Variants in PLS1 observed in about 807,000 individuals in gnomAD.
PLS1 encodes plastin-1.
A neutral mutation model predicts 73.7 loss-of-function variants in PLS1; 32 were observed. The observed-to-expected ratio is 0.43, with a 90% CI of 0.33 to 0.58. PLS1 has a LOEUF of 0.58. Ranked by LOEUF, PLS1 falls within the 20% of genes least tolerant of loss-of-function variation. PLS1 has a pLI of 0.04. For missense variants in PLS1, 633 were observed against 740.5 expected (o/e 0.85, Z 1.68); for synonymous variants, 217 against 261.3 (o/e 0.83, Z 1.63).
chr3:142,638,684 A>T (rs1219112107), intron 1 of PLS1, among the ~76,000 whole-genome samples: 1 of 152,152 alleles, frequency 6.6e-6, no homozygotes, highest in African/African-American at 2.4e-5. Flanking sequence ...AGGCCTCAAA[A>T]TTTAGGTGTG....
chr3:142,600,449 A>C (rs2035893934), intron 1 of PLS1, among the ~76,000 whole-genome samples: 1 of 152,130 alleles, frequency 6.6e-6, no homozygotes, highest in Non-Finnish European at 1.5e-5. Context: ...GGAGGGTGGC[A>C]CCAAAGGGTG....
chr3:142,704,381 T>C (rs2038404145), intron 13 of PLS1, 82 bp from the exon 14 acceptor site: 1 of 1,051,454 alleles, frequency 9.5e-7, no homozygotes, highest in Non-Finnish European at 1.4e-6. Context: ...ATTTCTTAAG[T>C]ATTTATCTAA....
chr3:142,621,960 T>C (rs2036323436), intron 1 of PLS1, among the ~76,000 whole-genome samples: 1 of 152,208 alleles, frequency 6.6e-6, no homozygotes, highest in African/African-American at 2.4e-5. Context: ...CGCATCCAAC[T>C]TTCTATGTAG....
At chr3:142,670,573 A>G (rs1399113856) in intron 3 of PLS1, among the ~76,000 whole-genome samples, 1 of 152,244 alleles carries the variant, frequency 6.6e-6, no homozygotes, top group Non-Finnish European at 1.5e-5. Flanking sequence ...GTGATTGGGA[A>G]AGGGAGTTTC....
intron 1 of PLS1, among the ~76,000 whole-genome samples, chr3:142,621,708 T>C (rs1401538324): frequency 6.6e-6 from 1 of 152,228 alleles, no homozygotes; most frequent in African/African-American, 2.4e-5. Context: ...CAAATACTTT[T>C]AATGCTGCAT....
At chr3:142,596,599 C>G (rs967632863) in intron 1 of PLS1, 90 bp downstream of exon 1, 1 of 152,476 alleles carries the variant, frequency 6.6e-6, no homozygotes. Flanking sequence ...CGCGGCGGCT[C>G]GGGGGCAGTA....
chr3:142,677,534 C>A lies in PLS1; in HGVS notation c.498-498C>A, dbSNP rs568142079. Among the ~76,000 whole-genome samples the A allele has an allele frequency of 3.3e-5, 5 of 151,950 alleles. No individual in the cohort carries two copies. The East Asian group carries it at 7.7e-4, about 24-fold the overall frequency. On this transcript the variant is annotated intron_variant, in intron 5 of 15. Coordinates refer to ENST00000457734, the MANE Select transcript of PLS1 (RefSeq NM_001145319.2). ...TGGCACACACCTGTAATCCCAGCTA[C>A]TCGGGAGGCTGAGGCAGGAGTATCA...
chr3:142,658,906 C>T (rs139616968), intron 1 of PLS1, among the ~76,000 whole-genome samples: 1 of 152,244 alleles, frequency 6.6e-6, no homozygotes, highest in Non-Finnish European at 1.5e-5. Flanking sequence ...AGTAGGAATG[C>T]TAATTGAACT....
At chr3:142,637,824 T>C (rs1327196028) in intron 1 of PLS1, among the ~76,000 whole-genome samples, 1 of 152,186 alleles carries the variant, frequency 6.6e-6, no homozygotes. Context: ...TAATACTTTT[T>C]ATCTGTAGAT....
intron 1 of PLS1, among the ~76,000 whole-genome samples, chr3:142,621,500 A>C (rs2036313082): frequency 6.6e-6 from 1 of 152,236 alleles, no homozygotes; most frequent in Non-Finnish European, 1.5e-5. Flanking sequence ...ACTATTATGA[A>C]GCATGAAAGG....
In PLS1 at chr3:142,698,080, A is replaced by G. The variant is rs754626707; in HGVS notation, c.1371+13A>G. The G allele has an allele frequency of 6.1e-6, 8 of 1,303,096 alleles. No individual in the cohort carries two copies. Among genetic ancestry groups the G allele is most frequent in the Non-Finnish European group, 8.9e-6 (8 of 896,588 alleles). 80.7% of individuals were successfully genotyped at this position (1,303,096 alleles called of 1,614,324 possible). A position where few individuals can be genotyped will look rare whatever the true frequency, so the allele number is the denominator to read the frequency against. ...GAACATGAAGAAGGTGAATGAAATAATGGCCATGGATATATTGTTATTGTT... is the reference window on the plus strand; with the variant it reads ...GAACATGAAGAAGGTGAATGAAATAGTGGCCATGGATATATTGTTATTGTT... On this transcript the variant is annotated intron_variant, in intron 12 of 15. Transcript: ENST00000457734.
intron 5 of PLS1, among the ~76,000 whole-genome samples, chr3:142,676,532 AG>A (rs1179266781): frequency 1.3e-5 from 2 of 152,188 alleles, no homozygotes; most frequent in African/African-American, 4.8e-5. Flanking sequence ...AATAATTGCC[AG>A]GAATCTTTTG....
intron 1 of PLS1, among the ~76,000 whole-genome samples, chr3:142,641,030 T>G (rs1292014717): frequency 1.3e-5 from 2 of 151,660 alleles, no homozygotes; most frequent in Non-Finnish European, 2.9e-5. Context: ...GGTATGGTAG[T>G]GCATGCCTGT....
chr3:142,615,019 ATCTGGGT>A (rs2036189947), intron 1 of PLS1, among the ~76,000 whole-genome samples: 1 of 152,006 alleles, frequency 6.6e-6, no homozygotes, highest in Admixed American at 6.6e-5. Context: ...CATCTGCAGG[ATCTGGGT>A]AGGGTGGGCA....
At chr3:142,693,828 C>T (rs552216064) in intron 10 of PLS1, among the ~76,000 whole-genome samples, 52 of 151,468 alleles carry the variant, frequency 3.4e-4, no homozygotes, top group African/African-American at 1.3e-3. Context: ...TGAAATCTGT[C>T]TTTCTCTTAT....
chr3:142,669,055 C>T (rs1033148214), intron 2 of PLS1, among the ~76,000 whole-genome samples: 3 of 151,838 alleles, frequency 2.0e-5, no homozygotes, highest in African/African-American at 7.3e-5. Flanking sequence ...TTTTTGTTTT[C>T]GTTTTTTAAG....
chr3:142,674,600 C>T (rs1197416650), intron 4 of PLS1, among the ~76,000 whole-genome samples: 1 of 152,132 alleles, frequency 6.6e-6, no homozygotes, highest in African/African-American at 2.4e-5. Context: ...CTATTTTCCC[C>T]ACTGCATAAC....
At chr3:142,658,476 C>CAAAAAAAA (rs56710799) in intron 1 of PLS1, among the ~76,000 whole-genome samples, 1 of 99,466 alleles carries the variant, frequency 1.0e-5, no homozygotes. Flanking sequence ...ACTTTGTCTC[C>CAAAAAAAA]AAAAAAAAAA....
intron 12 of PLS1, among the ~76,000 whole-genome samples, chr3:142,701,000 C>A (rs1300395668): frequency 3.9e-5 from 6 of 152,182 alleles, no homozygotes; most frequent in African/African-American, 1.4e-4. Flanking sequence ...TATGGCCTTC[C>A]CAGCCATGTG....
Sources: allele counts gnomAD v4.1 joint callset (sites outside exome capture counted in the v4.1 genomes callset), GRCh38; gene constraint gnomAD v4.1.1; transcripts MANE v1.5; gene names NCBI Gene and HGNC (gene_info 2026-07-23, HGNC 2026-07-21).